Variants in RBM22 observed in about 807,000 individuals in gnomAD.
The protein encoded by RBM22 is pre-mRNA-splicing factor RBM22.
A neutral mutation model predicts 50.1 loss-of-function variants in RBM22; 1 was observed. The ratio of observed to expected loss-of-function variants is 0.02; its 90% confidence interval spans 0.01 to 0.09. The LOEUF is 0.09. RBM22 is among the 10% of genes least tolerant of loss of function. RBM22 has a pLI of 1.00. For synonymous variants in RBM22, 152 were observed against 179.0 expected, an observed-to-expected ratio of 0.85 and a Z score of 1.20; for missense variants, 264 against 529.3, an observed-to-expected ratio of 0.50 and a Z score of 4.92.
intron 7 of RBM22, 136 bp from the exon 8 acceptor site, chr5:150,694,376 G>A (rs1281263415): frequency 2.1e-5 from 29 of 1,363,452 alleles, no homozygotes; most frequent in African/African-American, 3.0e-5. Flanking sequence ...CTACCCGCAG[G>A]TCTCCACCCC....
rs1759306659 is a variant in RBM22 at position 150,698,586 on chromosome 5, G to A, written c.184C>T (p.Arg62Cys). 3 of 1,613,976 alleles carry A rather than the reference G, an allele frequency of 1.9e-6. No individual in the cohort carries two copies. The highest frequency in any genetic ancestry group is 2.5e-6 in the Non-Finnish European group (3 of 1,179,986). ...FTVFRWCPGV[R>C]MRFKKTEVCQ... is the part of the protein sequence containing the mutation. ...ACTTCAGTCTTCTTGAAACGCATGC[G>A]GACTCCAGGGCACCAGCGAAACACT... The change falls in exon 4 of 11, where the codon CGC (arginine) becomes TGC (cysteine). Residue 62 changes from arginine (R) to cysteine (C), a missense_variant. Transcript: ENST00000199814.
Position 150,694,171 on chromosome 5 carries a change from G to C in RBM22, c.816C>G (p.Ile272Met). The change falls in exon 8 of 11, where the codon ATC becomes ATG. Residue 272 changes from isoleucine (I) to methionine (M), a missense_variant. Physicochemically the swap from Ile to Met is conservative, Grantham distance 10 (BLOSUM62 1). Coordinates refer to ENST00000199814, the MANE Select transcript of RBM22 (RefSeq NM_018047.3). ...TVVQRQQCAF[I>M]QFATRQAAEV... is the part of the protein sequence containing the mutation. ...CTGCAGCCTGCCGTGTGGCAAACTG[G>C]ATGAAAGCACACTGCTGTCTCTGCA... The C allele has an allele frequency of 1.2e-6, 2 of 1,614,226 alleles. No homozygotes were observed. The highest frequency in any genetic ancestry group is 1.7e-6 in the Non-Finnish European group (2 of 1,180,048).
intron 4 of RBM22, 131 bp from the exon 5 acceptor site, chr5:150,697,022 T>C: frequency 1.2e-6 from 1 of 852,658 alleles, no homozygotes; most frequent in Non-Finnish European, 1.8e-6. Context: ...ACTATGTTTT[T>C]ATTCAAACTC....
rs745662513 is a variant in RBM22, at chr5:150,693,262, T to C, written c.957A>G (p.Thr319=). Residue 319 remains threonine, a synonymous_variant, in exon 9 of 11, where the codon ACA becomes ACG. Coordinates refer to ENST00000199814, the MANE Select transcript of RBM22 (RefSeq NM_018047.3). Reference sequence around the variant, plus strand: ...CAGGTTCTAGTTTGATCCCAGAGTCTGTAGTTCCATCTTTCTCTTTTTCTT... The same window carrying C: ...CAGGTTCTAGTTTGATCCCAGAGTCCGTAGTTCCATCTTTCTCTTTTTCTT... ...RGKEKEKDGT[T]DSGIKLEPVP... is the part of the protein sequence containing the mutation. The C allele has an allele frequency of 1.9e-4, 300 of 1,614,074 alleles. 4 individuals are homozygous for C. In the South Asian group the frequency reaches 3.2e-3, roughly 17 times the overall value.
Position 150,693,299 on chromosome 5 carries a change from G to A in RBM22, c.920C>T (p.Ala307Val). ...RLNVKWGRSQAARGKEKEKDG... is the reference protein window; with the variant it reads ...RLNVKWGRSQVARGKEKEKDG... ...TTTCTCTTTTTCTTTTCCTCTGGCT[G>A]CCTGGGATCTGGGAAACACACATGC... is the stretch of plus-strand genomic sequence containing the variant. Residue 307 changes from alanine to valine, a missense_variant, in exon 9 of 11, where the codon GCA (alanine) becomes GTA (valine). Ala to Val is a moderately conservative substitution (Grantham distance 64). Around this residue, in one of 7 missense-constraint regions of RBM22, gnomAD observed 14 missense variants for 59.1 expected, o/e 0.24. Coordinates refer to ENST00000199814, the MANE Select transcript of RBM22 (RefSeq NM_018047.3). The A allele has an allele frequency of 6.2e-7, 1 of 1,613,132 alleles. No homozygotes were observed. Among genetic ancestry groups the A allele is most frequent in the Non-Finnish European group, 8.5e-7 (1 of 1,179,674 alleles).
In RBM22 at chr5:150,695,619, G is replaced by A; in HGVS notation, c.633C>T (p.Asp211=). 6.2e-7 allele frequency: 1 copy of A among 1,612,790 alleles called. No homozygotes were observed. The change falls in exon 7 of 11, where the codon GAC becomes GAT. Residue 211 remains aspartate (D), a synonymous_variant. Coordinates refer to ENST00000199814, the MANE Select transcript of RBM22 (RefSeq NM_018047.3). ...TTGTTGAAGCCCGCTTTAGAAGCTT[G>A]TCAGCTACAGGATCATTGATTCCGT... ...RYYGINDPVA[D]KLLKRASTMP... is the part of the protein sequence containing the mutation.
At chr5:150,698,411 A>G in intron 4 of RBM22, 88 bp downstream of exon 4, 1 of 1,489,264 alleles carries the variant, frequency 6.7e-7, no homozygotes, top group East Asian at 2.3e-5. Context: ...TCAGAACCAG[A>G]GCTAGGGTGC....
chr5:150,698,533 A>G lies in RBM22; in HGVS notation c.237T>C (p.Asn79=), dbSNP rs546304328. ...EVCQTCSKLK[N]VCQTCLLDLE... ...GGTCTAAGAGGCAGGTCTGACAGAC[A>G]TTCTTCAATTTACTGCAGGTTTGGC... The change falls in exon 4 of 11, where the codon AAT becomes AAC. Residue 79 remains asparagine (N), a synonymous_variant. Transcript: ENST00000199814. 6.2e-7 allele frequency: 1 copy of G among 1,614,200 alleles called. No individual in the cohort carries two copies. The highest frequency in any genetic ancestry group is 1.1e-5 in the South Asian group (1 of 91,084).
At chr5:150,693,530 G>A (rs1403295448) in intron 8 of RBM22, among the ~76,000 whole-genome samples, 1 of 152,206 alleles carries the variant, frequency 6.6e-6, no homozygotes, top group Non-Finnish European at 1.5e-5. Context: ...GACCAGAAAA[G>A]GCAACACATA....
chr5:150,695,513 C>G lies in RBM22; in HGVS notation c.739G>C (p.Asp247His), dbSNP rs1759264701. The G allele has an allele frequency of 1.9e-6, 3 of 1,611,982 alleles. No homozygotes were observed. Among genetic ancestry groups the G allele is most frequent in the East Asian group, 4.5e-5 (2 of 44,856 alleles). The change falls in exon 7 of 11, where the codon GAT (aspartate) becomes CAT (histidine). Residue 247 changes from aspartate to histidine, a missense_variant. By Grantham distance (81) the Asp-to-His change is moderately conservative. Around this residue, in one of 7 missense-constraint regions of RBM22, gnomAD observed 62 missense variants for 102.6 expected, o/e 0.60. Coordinates refer to ENST00000199814, the MANE Select transcript of RBM22 (RefSeq NM_018047.3). ...GGLGDTITET[D>H]LRNHFYQFGE... is the part of the protein sequence containing the mutation. ...TAACTTATACCCACAAACCTTAAAT[C>G]TGTCTCAGTAATGGTATCACCTAGA...
chr5:150,695,628 A>T lies in RBM22; in HGVS notation c.624T>A (p.Pro208=), dbSNP rs1561678464. 1 of 1,612,924 alleles carries T rather than the reference A, an allele frequency of 6.2e-7. No homozygotes were observed. Among genetic ancestry groups the T allele is most frequent in the Admixed American group, 1.7e-5 (1 of 60,014 alleles). ...IKDRYYGIND[P]VADKLLKRAS... ...CCCGCTTTAGAAGCTTGTCAGCTACAGGATCATTGATTCCGTAATAACGGT... is the reference window on the plus strand; with the variant it reads ...CCCGCTTTAGAAGCTTGTCAGCTACTGGATCATTGATTCCGTAATAACGGT... The change falls in exon 7 of 11, where the codon CCT becomes CCA. Residue 208 remains proline (P), a synonymous_variant. Transcript: ENST00000199814.
chr5:150,699,353 C>G (rs1009333303), intron 2 of RBM22, 82 bp from the exon 3 acceptor site: 6 of 1,463,322 alleles, frequency 4.1e-6, no homozygotes, highest in Non-Finnish European at 5.4e-6. Context: ...AAACATAACC[C>G]AAGAAATGTG....
intron 2 of RBM22, among the ~76,000 whole-genome samples, chr5:150,699,542 T>C (rs1759318195): frequency 6.6e-6 from 1 of 152,226 alleles, no homozygotes; most frequent in Non-Finnish European, 1.5e-5. Context: ...CCCAACACTT[T>C]GAGAGGCCAA....
At chr5:150,699,191 G>C (rs1442325672) in intron 3 of RBM22, 51 bp downstream of exon 3, 1 of 1,559,012 alleles carries the variant, frequency 6.4e-7, no homozygotes, top group African/African-American at 1.4e-5. Context: ...TAATTTGGTA[G>C]AGAAAAGAAA....
intron 4 of RBM22, among the ~76,000 whole-genome samples, chr5:150,697,555 C>A (rs1323521208): frequency 1.3e-5 from 2 of 152,194 alleles, no homozygotes; most frequent in Admixed American, 6.5e-5. Flanking sequence ...AAAGTGGTTT[C>A]TTTCTAGGTT....
chr5:150,695,552 G>T lies in RBM22; in HGVS notation c.700C>A (p.Leu234Ile). The T allele has an allele frequency of 6.2e-7, 1 of 1,613,944 alleles. No homozygotes were observed. Among genetic ancestry groups the T allele is most frequent in the Non-Finnish European group, 8.5e-7 (1 of 1,179,946 alleles). ...DPPEDKTITT[L>I]YVGGLGDTIT... ...GTATCACCTAGACCACCAACATATA[G>T]TGTGGTGATAGTTTTATCCTCTGGT... The change falls in exon 7 of 11, where the codon CTA becomes ATA. Residue 234 changes from leucine (L) to isoleucine (I), a missense_variant. This residue lies in a region of RBM22 where 62 missense variants were observed against 102.6 expected (regional missense o/e 0.60). Coordinates refer to ENST00000199814, the MANE Select transcript of RBM22 (RefSeq NM_018047.3).
In RBM22 at chr5:150,698,482, G is replaced by C. The variant is rs1452408054; in HGVS notation, c.271+17C>G. ...GCACCTGCACACTTTCAGATTTATT[G>C]GACAGGTCAAACATACCATACTCTA... On this transcript the variant is annotated intron_variant, in intron 4 of 10. Coordinates refer to ENST00000199814, the MANE Select transcript of RBM22 (RefSeq NM_018047.3). 11 of 1,612,244 alleles carry C rather than the reference G, an allele frequency of 6.8e-6. No homozygotes were observed. In the South Asian group the frequency reaches 1.2e-4, roughly 18 times the overall value.
intron 4 of RBM22, 70 bp downstream of exon 4, chr5:150,698,429 G>A (rs1759305152): frequency 3.9e-6 from 6 of 1,551,314 alleles, no homozygotes; most frequent in Non-Finnish European, 3.5e-6. Flanking sequence ...TGCGAAGTGG[G>A]AGACAAAAGA....
chr5:150,696,890 G>C lies in RBM22; in HGVS notation c.273C>G (p.Gly91=), dbSNP rs1275739884. Residue 91 remains glycine, a splice_region_variant and synonymous_variant, in exon 5 of 11, where the codon GGC becomes GGG. Transcript: ENST00000199814. The surrounding 1 kb of genome is among the most constrained non-coding windows in gnomAD (Gnocchi z 4.3). ...CQTCLLDLEY[G]LPIQVRDAGL... ...CTGCGTCACGAACCTGGATGGGCAG[G>C]CCTGGTACAAAAAAAGAGGAAAAAG... is the stretch of plus-strand genomic sequence containing the variant. 6.2e-7 allele frequency: 1 copy of C among 1,614,008 alleles called. No homozygotes were observed. The highest frequency in any genetic ancestry group is 1.1e-5 in the South Asian group (1 of 91,062).
Sources: gnomAD v4.1 joint callset for allele counts (sites outside exome capture counted in the v4.1 genomes callset) on GRCh38, gnomAD v4.1.1 for gene constraint, gnomAD v4.1.1 regional missense constraint, Gnocchi (gnomAD v3.1) non-coding constraint, MANE v1.5 for transcripts, NCBI Gene and HGNC (gene_info 2026-07-23, HGNC 2026-07-21) for gene names.